ADAM12: variants seen among roughly 807,000 people sequenced by gnomAD.
ADAM12 encodes ADAM metallopeptidase domain 12.
A neutral mutation model predicts 106.4 loss-of-function variants in ADAM12; 70 were observed. The observed-to-expected ratio is 0.66, with a 90% CI of 0.54 to 0.80. The LOEUF is 0.80. Ranked by LOEUF, ADAM12 falls within the 30% of genes least tolerant of loss-of-function variation. The pLI is 0.00. For missense variants in ADAM12, 1,010 were observed against 1,171.9 expected, an observed-to-expected ratio of 0.86 and a Z score of 2.02; for synonymous variants, 420 against 433.5, an observed-to-expected ratio of 0.97 and a Z score of 0.39.
intron 21 of ADAM12, among the ~76,000 whole-genome samples, chr10:126,033,689 G>A (rs1244005613): frequency 2.1e-5 from 3 of 144,646 alleles, no homozygotes; most frequent in African/African-American, 4.9e-5. Flanking sequence ...CCTAGAGACT[G>A]GCAGATCTCT....
At chr10:126,223,297 T>C (rs1360220754) in intron 3 of ADAM12, among the ~76,000 whole-genome samples, 1 of 152,180 alleles carries the variant, frequency 6.6e-6, no homozygotes, top group Non-Finnish European at 1.5e-5. Flanking sequence ...AAGAAGTATT[T>C]CTCATATTTC....
At chr10:126,045,757 A>G (rs979223552) in intron 17 of ADAM12, among the ~76,000 whole-genome samples, 3 of 152,228 alleles carry the variant, frequency 2.0e-5, no homozygotes, top group African/African-American at 7.2e-5. Flanking sequence ...TTGAAATGTT[A>G]TTTTGAAACT....
At chr10:126,285,677 C>T (rs763649684) in intron 2 of ADAM12, among the ~76,000 whole-genome samples, 4 of 152,124 alleles carry the variant, frequency 2.6e-5, no homozygotes, top group Admixed American at 6.5e-5. Flanking sequence ...GAAGCTTTGT[C>T]GTTGGGCAAA....
intron 1 of ADAM12, among the ~76,000 whole-genome samples, chr10:126,339,146 C>T (rs1383530275): frequency 6.6e-6 from 1 of 152,156 alleles, no homozygotes; most frequent in Non-Finnish European, 1.5e-5. Flanking sequence ...TCCCTTTCTA[C>T]CCTTACTGTT....
chr10:126,274,818 C>A (rs921251513), intron 3 of ADAM12, among the ~76,000 whole-genome samples: 6 of 152,182 alleles, frequency 3.9e-5, no homozygotes, highest in African/African-American at 1.4e-4. Flanking sequence ...CCATCTAATG[C>A]CATCTCCACA....
At chr10:126,033,020 A>T (rs1722584034) in intron 21 of ADAM12, among the ~76,000 whole-genome samples, 1 of 152,184 alleles carries the variant, frequency 6.6e-6, no homozygotes, top group African/African-American at 2.4e-5. Flanking sequence ...TTTTAAAAGA[A>T]ACTTATAAAC....
intron 3 of ADAM12, among the ~76,000 whole-genome samples, chr10:126,252,532 G>A (rs1590687122): frequency 6.6e-6 from 1 of 152,290 alleles, no homozygotes; most frequent in East Asian, 1.9e-4. Flanking sequence ...TGGAGACCTG[G>A]AGTTCTGATG....
In ADAM12 at chr10:126,204,366, T is replaced by C. The variant is rs144918574; in HGVS notation, c.261-49061A>G. 5.6e-4 allele frequency among the ~76,000 whole-genome samples: 85 copies of C among 152,348 alleles called. No individual in the cohort carries two copies. The South Asian group carries it at 7.9e-3, about 14-fold the overall frequency. On this transcript the variant is annotated intron_variant, in intron 3 of 22. Transcript: ENST00000448723. Reference sequence around the variant, plus strand: ...TGTGACTAGGAGAAAGCCCAGAGAATTGCAGAAAGGCTGGCCCAGGATGCA... The same window carrying C: ...TGTGACTAGGAGAAAGCCCAGAGAACTGCAGAAAGGCTGGCCCAGGATGCA...
At chr10:126,331,095 T>C (rs538407981) in intron 1 of ADAM12, among the ~76,000 whole-genome samples, 6 of 152,386 alleles carry the variant, frequency 3.9e-5, no homozygotes, top group African/African-American at 1.4e-4. Flanking sequence ...TATATGATCT[T>C]GTTTCTTGGG....
intron 3 of ADAM12, among the ~76,000 whole-genome samples, chr10:126,225,379 T>C (rs1958173387): frequency 6.6e-6 from 1 of 152,200 alleles, no homozygotes; most frequent in South Asian, 2.1e-4. Flanking sequence ...GTTTCCTCGT[T>C]AAGTGTTCCC....
chr10:126,016,440 A>G lies in ADAM12; in HGVS notation c.*839T>C, dbSNP rs1260384859. The stretch of plus-strand genomic sequence containing the variant: ...TGCCTGGGCAGTAGGTTTCTTACAG[A>G]AACACCACCTTTCCCAAGCTAAATA... On this transcript the variant is annotated 3_prime_UTR_variant, in exon 23 of 23. Transcript: ENST00000448723. The G allele has an allele frequency of 1.3e-5, 2 of 152,324 alleles. No individual in the cohort carries two copies. The highest frequency in any genetic ancestry group is 3.9e-4 in the East Asian group (2 of 5,166). The allele number at this position is 152,324 out of a possible 1,614,324, so 9.4% of individuals were successfully genotyped here.
rs1242156191 is a variant in ADAM12, at chr10:126,013,913, T to TTG, written c.*3364_*3365dup. On this transcript the variant is annotated 3_prime_UTR_variant, in exon 23 of 23. Coordinates refer to ENST00000448723, the MANE Select transcript of ADAM12 (RefSeq NM_001288973.2). The surrounding 1 kb of genome is among the most constrained non-coding windows in gnomAD (Gnocchi z 4.3). The stretch of plus-strand genomic sequence containing the variant: ...GCCCCACCTCTGGTCAGCACTAGTG[T>TTG]TGGGAGACTTCTGGGAGGGATTGTG... 1 of 152,480 alleles carries TTG rather than the reference T, an allele frequency of 6.6e-6. No individual in the cohort carries two copies. Among genetic ancestry groups the TTG allele is most frequent in the African/African-American group, 2.4e-5 (1 of 41,434 alleles). 9.4% of individuals were successfully genotyped at this position (152,480 alleles called of 1,614,324 possible). A position where few individuals can be genotyped will look rare whatever the true frequency, so the allele number is the denominator to read the frequency against.
At chr10:126,336,476 A>G (rs555072668) in intron 1 of ADAM12, among the ~76,000 whole-genome samples, 3 of 152,330 alleles carry the variant, frequency 2.0e-5, no homozygotes, top group African/African-American at 7.2e-5. Context: ...CCTGCAGGCA[A>G]GCTAAAACCT....
At chr10:126,239,553 T>TG (rs1179172698) in intron 3 of ADAM12, among the ~76,000 whole-genome samples, 2 of 152,184 alleles carry the variant, frequency 1.3e-5, no homozygotes, top group Admixed American at 1.3e-4. Context: ...TAAATGGGTA[T>TG]GGGGTAACAT....
Position 126,066,772 on chromosome 10 carries a change from C to T in ADAM12, c.1358G>A (p.Cys453Tyr). 6.2e-7 allele frequency: 1 copy of T among 1,614,204 alleles called. No individual in the cohort carries two copies. Among genetic ancestry groups the T allele is most frequent in the African/African-American group, 1.3e-5 (1 of 75,056 alleles). The change falls in exon 13 of 23, where the codon TGT becomes TAT. Residue 453 changes from cysteine to tyrosine, a missense_variant. Physicochemically the swap from Cys to Tyr is radical, Grantham distance 194 (BLOSUM62 -2). Coordinates refer to ENST00000448723, the MANE Select transcript of ADAM12 (RefSeq NM_001288973.2). The surrounding 1 kb of genome is among the most constrained non-coding windows in gnomAD (Gnocchi z 5.1). ...GCACACAGCGTCCGGCTTCAGGGTACAGGTGGTGGCATTGCAGCAGCGATT... is the reference window on the plus strand; with the variant it reads ...GCACACAGCGTCCGGCTTCAGGGTATAGGTGGTGGCATTGCAGCAGCGATT... ...CMNRCCNATT[C>Y]TLKPDAVCAH... is the part of the protein sequence containing the mutation.
In ADAM12 at chr10:126,043,002, T is replaced by C; in HGVS notation, c.2104+38A>G. 1 of 1,598,482 alleles carries C rather than the reference T, an allele frequency of 6.3e-7. No individual in the cohort carries two copies. The highest frequency in any genetic ancestry group is 8.5e-7 in the Non-Finnish European group (1 of 1,170,626). ...GGCGAGCCCACCCGCCCCCAGGTGC[T>C]CAGCCTCCTCCCACCGGGATGCAGG... is the stretch of plus-strand genomic sequence containing the variant. On this transcript the variant is annotated intron_variant, in intron 18 of 22. Coordinates refer to ENST00000448723, the MANE Select transcript of ADAM12 (RefSeq NM_001288973.2). The surrounding 1 kb of genome is among the most constrained non-coding windows in gnomAD (Gnocchi z 4.1).
At chr10:126,243,473 C>CTGTGTGTGTGTGTG (rs1215369145) in intron 3 of ADAM12, among the ~76,000 whole-genome samples, 12 of 97,200 alleles carry the variant, frequency 1.2e-4, no homozygotes, top group East Asian at 6.5e-4. Context: ...GGGAGCAACT[C>CTGTGTGTGTGTGTG]TGTGTGTGTG....
Position 126,245,035 on chromosome 10 carries a change from G to GA in ADAM12, c.260+33879dup, listed in dbSNP as rs918049927. On this transcript the variant is annotated intron_variant, in intron 3 of 22. Coordinates refer to ENST00000448723, the MANE Select transcript of ADAM12 (RefSeq NM_001288973.2). ...AGGGGCTTGCACCAAGGAGAAGGAA[G>GA]ATGGTAAGCAGGAGCAAATGCAAAC... Among the ~76,000 whole-genome samples the GA allele has an allele frequency of 7.8e-4, 119 of 152,320 alleles. 1 individual carries two copies. Among genetic ancestry groups the GA allele is most frequent in the African/African-American group, 2.8e-3 (115 of 41,586 alleles).
chr10:126,251,459 T>C (rs1958745844), intron 3 of ADAM12, among the ~76,000 whole-genome samples: 1 of 151,842 alleles, frequency 6.6e-6, no homozygotes, highest in African/African-American at 2.4e-5. Context: ...GATGGATGGA[T>C]GGATGGGATG....
Sources: allele counts gnomAD v4.1 joint callset (sites outside exome capture counted in the v4.1 genomes callset), GRCh38; gene constraint gnomAD v4.1.1; non-coding constraint Gnocchi (gnomAD v3.1); transcripts MANE v1.5; gene names NCBI Gene and HGNC (gene_info 2026-07-23, HGNC 2026-07-21).